Variants in SLC6A20 observed in about 807,000 individuals in gnomAD.
The protein encoded by SLC6A20 is solute carrier family 6 member 20.
In SLC6A20, 73 loss-of-function variants were observed where a neutral mutation model predicts 64.3. The observed-to-expected ratio is 1.14, with a 90% CI of 0.94 to 1.38. SLC6A20 has a LOEUF of 1.38. Among genes scored for constraint, SLC6A20 ranks in the 40% most tolerant of loss-of-function variants. The pLI is 0.00. For synonymous variants in SLC6A20, 347 were observed against 329.6 expected, an observed-to-expected ratio of 1.05 and a Z score of -0.57; for missense variants, 725 against 772.8, an observed-to-expected ratio of 0.94 and a Z score of 0.73.
In SLC6A20 at chr3:45,765,590, G is replaced by A. The variant is rs1186791257; in HGVS notation, c.1250C>T (p.Pro417Leu). ...MLGNTAAILT[P>L]LTDSKIISSH... Reference sequence around the variant, plus strand: ...GGAGATGATCTTGCTGTCTGTCAGAGGGGTGAGGATGGCCGCTGTGTTCCC... The same window carrying A: ...GGAGATGATCTTGCTGTCTGTCAGAAGGGTGAGGATGGCCGCTGTGTTCCC... Residue 417 changes from proline to leucine, a missense_variant, in exon 8 of 11, where the codon CCT becomes CTT. Pro to Leu is a moderately conservative substitution (Grantham distance 98). Transcript: ENST00000358525. This position sits in a 1 kb window ranked among gnomAD's most constrained non-coding sequence, Gnocchi z 4.2. 3.1e-6 allele frequency: 5 copies of A among 1,614,168 alleles called. No homozygotes were observed. The South Asian group carries it at 5.5e-5, about 18-fold the overall frequency.
chr3:45,790,885 C>T (rs1465369170), intron 1 of SLC6A20, among the ~76,000 whole-genome samples: 1 of 152,210 alleles, frequency 6.6e-6, no homozygotes, highest in African/African-American at 2.4e-5. Context: ...TCACTTCTCA[C>T]AGCCACCTGG....
chr3:45,758,806 G>A lies in SLC6A20; in HGVS notation c.*172C>T, dbSNP rs913816584. 7.4e-7 allele frequency: 1 copy of A among 1,357,286 alleles called. No homozygotes were observed. Among genetic ancestry groups the A allele is most frequent in the Admixed American group, 3.5e-5 (1 of 28,304 alleles). 84.1% of individuals were successfully genotyped at this position (1,357,286 alleles called of 1,614,324 possible). A position where few individuals can be genotyped will look rare whatever the true frequency, so the allele number is the denominator to read the frequency against. ...AGGGAGGAACAGCCACCACGGGAGG[G>A]TGTGCGTTCTCCCAAGGGAGTTTTC... On this transcript the variant is annotated 3_prime_UTR_variant, in exon 11 of 11. Transcript: ENST00000358525.
chr3:45,760,977 G>C (rs1431927681), intron 9 of SLC6A20, among the ~76,000 whole-genome samples: 3 of 152,186 alleles, frequency 2.0e-5, no homozygotes, highest in Non-Finnish European at 4.4e-5. Context: ...GGAGGGGCTG[G>C]GGTGGTGTGG....
In SLC6A20 at chr3:45,765,457, C is replaced by T. The variant is rs865997460; in HGVS notation, c.1303+80G>A. 1 of 1,495,446 alleles carries T rather than the reference C, an allele frequency of 6.7e-7. No individual in the cohort carries two copies. The highest frequency in any genetic ancestry group is 2.4e-4 in the Middle Eastern group (1 of 4,250). 92.6% of individuals were successfully genotyped at this position (1,495,446 alleles called of 1,614,324 possible). Reference sequence around the variant, plus strand: ...TAGCCACCTGAACCAGCCCATGACCCCTGAGGGAGCTCTCCCCTGTTCACC... The same window carrying T: ...TAGCCACCTGAACCAGCCCATGACCTCTGAGGGAGCTCTCCCCTGTTCACC... On this transcript the variant is annotated intron_variant, in intron 8 of 10. Coordinates refer to ENST00000358525, the MANE Select transcript of SLC6A20 (RefSeq NM_020208.4). This position sits in a 1 kb window ranked among gnomAD's most constrained non-coding sequence, Gnocchi z 4.2.
chr3:45,784,449 A>C (rs1575436029), intron 1 of SLC6A20, among the ~76,000 whole-genome samples: 1 of 152,218 alleles, frequency 6.6e-6, no homozygotes. Flanking sequence ...TGAGGCAAAG[A>C]TTTCTTAAAT....
At chr3:45,769,256 G>C (rs1414821696) in intron 7 of SLC6A20, among the ~76,000 whole-genome samples, 1 of 152,134 alleles carries the variant, frequency 6.6e-6, no homozygotes, top group African/African-American at 2.4e-5. Context: ...ACAAGAGAAA[G>C]TATGTTCCTG....
chr3:45,780,572 A>T (rs1255357456), intron 2 of SLC6A20, among the ~76,000 whole-genome samples: 2 of 152,150 alleles, frequency 1.3e-5, no homozygotes, highest in Non-Finnish European at 2.9e-5. Flanking sequence ...TCCTTGGCTC[A>T]CCAGCGGTTG....
At position 45,796,394 on chromosome 3, in the gene SLC6A20, G is replaced by A. The variant is rs2271615; in HGVS notation, c.26C>T (p.Ala9Val). MEKARPLW[A>V]NSLQFVFACI... Reference sequence around the variant, plus strand: ...GGCGAACACGAACTGTAGCGAGTTGGCCCACAGCGGCCGCGCTTTCTCCAT... The same window carrying A: ...GGCGAACACGAACTGTAGCGAGTTGACCCACAGCGGCCGCGCTTTCTCCAT... The change falls in exon 1 of 11, where the codon GCC (alanine) becomes GTC (valine). Residue 9 changes from alanine (A) to valine (V), a missense_variant. Transcript: ENST00000358525. 3 of 1,612,032 alleles carry A rather than the reference G, an allele frequency of 1.9e-6. No homozygotes were observed. The South Asian group carries it at 3.3e-5, about 18-fold the overall frequency.
chr3:45,794,120 G>A (rs1700302699), intron 1 of SLC6A20, among the ~76,000 whole-genome samples: 2 of 152,218 alleles, frequency 1.3e-5, no homozygotes, highest in Admixed American at 1.3e-4. Flanking sequence ...GAGCACAACG[G>A]AGAGAAAGCA....
chr3:45,766,306 G>A (rs1699776535), intron 7 of SLC6A20, among the ~76,000 whole-genome samples: 1 of 152,340 alleles, frequency 6.6e-6, no homozygotes, highest in East Asian at 1.9e-4. Flanking sequence ...AATAGGTTGT[G>A]CGTACTCTCT....
At chr3:45,780,311 A>G (rs969618385) in intron 2 of SLC6A20, among the ~76,000 whole-genome samples, 3 of 152,140 alleles carry the variant, frequency 2.0e-5, no homozygotes, top group African/African-American at 7.2e-5. Context: ...CTCCCTCCTC[A>G]CCTTCTGGGA....
At chr3:45,767,267 T>C (rs1456803348) in intron 7 of SLC6A20, among the ~76,000 whole-genome samples, 2 of 152,316 alleles carry the variant, frequency 1.3e-5, no homozygotes, top group Middle Eastern at 3.4e-3. Context: ...CTCTTGCCTA[T>C]GGCCACCACT....
In SLC6A20 at chr3:45,756,567, T is replaced by A. The variant is rs1699546913; in HGVS notation, c.*2411A>T. 6.6e-6 allele frequency: 1 copy of A among 152,154 alleles called. No homozygotes were observed. Among genetic ancestry groups the A allele is most frequent in the African/African-American group, 2.4e-5 (1 of 41,430 alleles). The allele number at this position is 152,154 out of a possible 1,614,324, so 9.4% of individuals were successfully genotyped here. On this transcript the variant is annotated 3_prime_UTR_variant, in exon 11 of 11. Transcript: ENST00000358525. ...CAGTAGAAGACCTTTCTAAAGCCTA[T>A]TTTTGCTGTAAGAGAATTTTACAGC...
intron 7 of SLC6A20, among the ~76,000 whole-genome samples, chr3:45,768,986 T>C (rs887894760): frequency 2.6e-5 from 4 of 152,192 alleles, no homozygotes; most frequent in Admixed American, 2.0e-4. Context: ...GCAGGAGATA[T>C]GATAGTTTAC....
At chr3:45,785,478 G>T (rs1700154737) in intron 1 of SLC6A20, among the ~76,000 whole-genome samples, 1 of 152,192 alleles carries the variant, frequency 6.6e-6, no homozygotes, top group African/African-American at 2.4e-5. Flanking sequence ...CGTGCTGGAT[G>T]CTTCCTGCCG....
intron 1 of SLC6A20, among the ~76,000 whole-genome samples, chr3:45,788,588 T>A (rs1700204320): frequency 6.6e-6 from 1 of 152,202 alleles, no homozygotes; most frequent in African/African-American, 2.4e-5. Context: ...AAGATTCACA[T>A]AATACCATAT....
intron 7 of SLC6A20, among the ~76,000 whole-genome samples, chr3:45,766,949 G>A (rs551749517): frequency 6.6e-5 from 10 of 152,148 alleles, no homozygotes; most frequent in South Asian, 4.2e-4. Context: ...ATCAGCCTGC[G>A]CAACATAGCA....
intron 1 of SLC6A20, among the ~76,000 whole-genome samples, chr3:45,792,165 GGTGA>G (rs1270177843): frequency 2.0e-5 from 3 of 152,146 alleles, no homozygotes; most frequent in African/African-American, 7.2e-5. Flanking sequence ...GTGAGCCATG[GGTGA>G]GTGTCACAGG....
chr3:45,790,824 A>G (rs1024780495), intron 1 of SLC6A20, among the ~76,000 whole-genome samples: 1 of 151,504 alleles, frequency 6.6e-6, no homozygotes, highest in Non-Finnish European at 1.5e-5. Context: ...GGACATGCTG[A>G]CTCCTTTTTC....
Sources: gnomAD v4.1 joint callset for allele counts (sites outside exome capture counted in the v4.1 genomes callset) on GRCh38, gnomAD v4.1.1 for gene constraint, Gnocchi (gnomAD v3.1) non-coding constraint, MANE v1.5 for transcripts, NCBI Gene and HGNC (gene_info 2026-07-23, HGNC 2026-07-21) for gene names.